Variants in GARNL3 observed in about 807,000 individuals in gnomAD.
The protein encoded by GARNL3 is GTPase activating Rap/RanGAP domain like 3, also known as GTPase-activating Rap/Ran-GAP domain-like protein 3.
In GARNL3, 63 loss-of-function variants were observed where a neutral mutation model predicts 125.0. The observed-to-expected ratio is 0.50, with a 90% CI of 0.41 to 0.62. The LOEUF (loss-of-function observed/expected upper bound fraction) is 0.62. GARNL3 is among the 20% of genes least tolerant of loss of function. The probability of loss-of-function intolerance (pLI) is 0.00; values close to 1 mark genes in which losing one functional copy is unlikely to be tolerated. For synonymous variants in GARNL3, 439 were observed against 457.5 expected (o/e 0.96, Z 0.52); for missense variants, 994 against 1,244.0 (o/e 0.80, Z 3.02).
At chr9:127,302,471 G>T (rs915113079) in intron 2 of GARNL3, among the ~76,000 whole-genome samples, 2 of 152,094 alleles carry the variant, frequency 1.3e-5, no homozygotes, top group African/African-American at 4.8e-5. Flanking sequence ...CTGGTTAGTG[G>T]CCATTAGAAT....
At chr9:127,374,230 G>T (rs2131770878) in intron 22 of GARNL3, among the ~76,000 whole-genome samples, 1 of 152,266 alleles carries the variant, frequency 6.6e-6, no homozygotes, top group Admixed American at 6.5e-5. Context: ...GAACCCAGGA[G>T]GCGGAGGCTG....
intron 6 of GARNL3, 55 bp from the exon 7 acceptor site, chr9:127,325,014 A>G (rs978835085): frequency 2.6e-6 from 4 of 1,552,506 alleles, no homozygotes; most frequent in African/African-American, 2.7e-5. Flanking sequence ...CAGCAAGTCA[A>G]AATGAAATAA....
At chr9:127,249,852 AC>A (rs1453039254) in intron 2 of GARNL3, among the ~76,000 whole-genome samples, 2 of 152,074 alleles carry the variant, frequency 1.3e-5, no homozygotes, top group Non-Finnish European at 2.9e-5. Flanking sequence ...TACTAAAAAT[AC>A]AAAAAATTAG....
chr9:127,329,799 T>C (rs556258754), intron 7 of GARNL3, among the ~76,000 whole-genome samples: 122 of 152,290 alleles, frequency 8.0e-4, no homozygotes, highest in African/African-American at 2.9e-3. Flanking sequence ...CATGCGCAAG[T>C]CCCTGTCTTC....
intron 5 of GARNL3, among the ~76,000 whole-genome samples, chr9:127,319,762 CT>C (rs1439570463): frequency 6.6e-6 from 1 of 152,058 alleles, no homozygotes; most frequent in Non-Finnish European, 1.5e-5. Context: ...TCTGTGAATT[CT>C]TTTTTCTAAA....
intron 7 of GARNL3, among the ~76,000 whole-genome samples, chr9:127,325,840 C>T (rs377346351): frequency 6.6e-6 from 1 of 152,180 alleles, no homozygotes; most frequent in African/African-American, 2.4e-5. Flanking sequence ...CTTCCACTCT[C>T]ACCCTCTCTT....
intron 1 of GARNL3, among the ~76,000 whole-genome samples, chr9:127,237,746 A>G (rs2063138522): frequency 6.6e-6 from 1 of 152,244 alleles, no homozygotes; most frequent in African/African-American, 2.4e-5. Flanking sequence ...TGCTTGAGGT[A>G]GACTTTCCAA....
chr9:127,367,961 A>G lies in GARNL3; in HGVS notation c.2161+2595A>G, dbSNP rs183440337. 2.4e-3 allele frequency among the ~76,000 whole-genome samples: 356 copies of G among 145,908 alleles called. 1 individual carries two copies. The highest frequency in any genetic ancestry group is 8.6e-3 in the African/African-American group (350 of 40,596). ...TTTTCCCACTATTTATTCCAGAATC[A>G]TCAGAGTATTTATTCAGAACTCAGT... is the stretch of plus-strand genomic sequence containing the variant. On this transcript the variant is annotated intron_variant, in intron 22 of 27. Coordinates refer to ENST00000373387, the MANE Select transcript of GARNL3 (RefSeq NM_032293.5).
At chr9:127,300,144 G>A (rs1375858941) in intron 2 of GARNL3, 4 of 323,146 alleles carry the variant, frequency 1.2e-5, no homozygotes, top group Non-Finnish European at 2.5e-5. Context: ...CCTCTGGCCA[G>A]TTTTCCTGAA....
At chr9:127,262,022 C>T (rs1277127695), upstream of GARNL3, among the ~76,000 whole-genome samples, 1 of 152,180 alleles carries the variant, frequency 6.6e-6, no homozygotes, top group African/African-American at 2.4e-5. Context: ...CATGGTCCAC[C>T]TTCTGAATGA....
At chr9:127,377,328 C>T (rs1228707117) in intron 22 of GARNL3, among the ~76,000 whole-genome samples, 2 of 137,036 alleles carry the variant, frequency 1.5e-5, no homozygotes, top group African/African-American at 5.0e-5. Flanking sequence ...AACGTTAGGA[C>T]AATTGGACAA....
chr9:127,365,445 TC>T, intron 22 of GARNL3, 79 bp downstream of exon 22: 2 of 1,127,438 alleles, frequency 1.8e-6, no homozygotes, highest in Non-Finnish European at 1.3e-6. Flanking sequence ...AAAAAGATTG[TC>T]CTTAGATTTA....
intron 17 of GARNL3, among the ~76,000 whole-genome samples, chr9:127,351,605 G>C (rs1253664011): frequency 2.6e-5 from 4 of 152,070 alleles, no homozygotes; most frequent in Non-Finnish European, 5.9e-5. Context: ...ATGTTTCCAT[G>C]AGTGAATCCA....
intron 21 of GARNL3, among the ~76,000 whole-genome samples, chr9:127,360,451 G>A (rs186750686): frequency 6.6e-6 from 1 of 152,238 alleles, no homozygotes; most frequent in Non-Finnish European, 1.5e-5. Context: ...GCAGTGCACA[G>A]CTCCCAGCAG....
chr9:127,342,157 C>G, intron 13 of GARNL3, 62 bp from the exon 14 acceptor site: 1 of 1,046,022 alleles, frequency 9.6e-7, no homozygotes, highest in Non-Finnish European at 1.5e-6. Flanking sequence ...AGCATAGTTT[C>G]AATTCTTGTG....
chr9:127,336,124 A>G lies in GARNL3; in HGVS notation c.874-4A>G. 1 of 1,605,910 alleles carries G rather than the reference A, an allele frequency of 6.2e-7. No individual in the cohort carries two copies. The highest frequency in any genetic ancestry group is 8.5e-7 in the Non-Finnish European group (1 of 1,172,776). ...CTCAGTGATGTTATTTATGCTCACTACAGGTGGAAAGGAAACGCCACATTG... is the reference window on the plus strand; with the variant it reads ...CTCAGTGATGTTATTTATGCTCACTGCAGGTGGAAAGGAAACGCCACATTG... On this transcript the variant is annotated splice_region_variant and splice_polypyrimidine_tract_variant and intron_variant, in intron 10 of 27. Coordinates refer to ENST00000373387, the MANE Select transcript of GARNL3 (RefSeq NM_032293.5).
chr9:127,276,893 A>C (rs138340560), intron 1 of GARNL3, among the ~76,000 whole-genome samples: 6 of 152,346 alleles, frequency 3.9e-5, no homozygotes, highest in African/African-American at 1.4e-4. Flanking sequence ...ACAATGACCT[A>C]ATGAGGTGGG....
chr9:127,279,077 G>A (rs991558091), intron 1 of GARNL3, among the ~76,000 whole-genome samples: 8 of 152,080 alleles, frequency 5.3e-5, no homozygotes, highest in Non-Finnish European at 8.8e-5. Flanking sequence ...TTTGGGGGGG[G>A]ACACTATTCA....
intron 22 of GARNL3, among the ~76,000 whole-genome samples, chr9:127,380,198 A>ATG (rs1458335111): frequency 1.0e-4 from 7 of 69,314 alleles, no homozygotes; most frequent in Admixed American, 1.5e-4. Flanking sequence ...GTCTCAAAAA[A>ATG]TATGTGTGTG....
Sources: allele counts gnomAD v4.1 joint callset (sites outside exome capture counted in the v4.1 genomes callset), GRCh38; gene constraint gnomAD v4.1.1; transcripts MANE v1.5; gene names NCBI Gene and HGNC (gene_info 2026-07-23, HGNC 2026-07-21).